The following DNMT1 variants were observed in gnomAD, a reference collection of about 807,000 sequenced individuals.
DNMT1 encodes DNA methyltransferase 1, also known as DNA (cytosine-5)-methyltransferase 1.
In DNMT1, 24 loss-of-function variants were observed where a neutral mutation model predicts 205.3. The ratio of observed to expected loss-of-function variants is 0.12; its 90% CI spans 0.08 to 0.16. The LOEUF is 0.16. DNMT1 is among the 10% of genes least tolerant of loss of function. DNMT1 has a pLI of 1.00. For synonymous variants in DNMT1, 817 were observed against 839.8 expected (o/e 0.97, Z 0.47); for missense variants, 1,293 against 2,177.7 (o/e 0.59, Z 8.09).
chr19:10,146,299 C>T lies in DNMT1; in HGVS notation c.2894+52G>A. Reference sequence around the variant, plus strand: ...AAGGAGGGGGACACCACAAAGCCAGCCTGGCTCAGCCTGGAGCGCCCTGGC... The same window carrying T: ...AAGGAGGGGGACACCACAAAGCCAGTCTGGCTCAGCCTGGAGCGCCCTGGC... On this transcript the variant is annotated intron_variant, in intron 28 of 40. Transcript: ENST00000359526. The surrounding 1 kb of genome is among the most constrained non-coding windows in gnomAD (Gnocchi z 4.4). 1 of 1,603,676 alleles carries T rather than the reference C, an allele frequency of 6.2e-7. No homozygotes were observed. Among genetic ancestry groups the T allele is most frequent in the Admixed American group, 1.7e-5 (1 of 58,542 alleles).
At chr19:10,150,968 G>A (rs1383256829) in intron 24 of DNMT1, among the ~76,000 whole-genome samples, 1 of 152,166 alleles carries the variant, frequency 6.6e-6, no homozygotes, top group Non-Finnish European at 1.5e-5. Context: ...GGTGGTGCAC[G>A]CCTGTAATCT....
Position 10,137,258 on chromosome 19 carries a change from G to A in DNMT1, c.4316C>T (p.Ala1439Val). Residue 1439 changes from alanine (A) to valine (V), a missense_variant, in exon 37 of 41, where the codon GCC (alanine) becomes GTC (valine). Physicochemically the swap from Ala to Val is moderately conservative, Grantham distance 64. Around this residue, in one of 13 missense-constraint regions of DNMT1, gnomAD observed 148 missense variants for 256.1 expected, o/e 0.58. Transcript: ENST00000359526. The surrounding 1 kb of genome is among the most constrained non-coding windows in gnomAD (Gnocchi z 6.4). ...GGCCAAGGGGATGTGCCGCATGCGG[G>A]CAGCCACCAATGCACTCATGTCCTG... ...ICKDMSALVAARMRHIPLAPG... is the reference protein window; with the variant it reads ...ICKDMSALVAVRMRHIPLAPG... The A allele has an allele frequency of 6.2e-7, 1 of 1,608,994 alleles. No homozygotes were observed. Among genetic ancestry groups the A allele is most frequent in the South Asian group, 1.1e-5 (1 of 90,272 alleles).
Position 10,146,211 on chromosome 19 carries a change from T to G in DNMT1, c.2894+140A>C. The G allele has an allele frequency of 1.0e-6, 1 of 974,140 alleles. No individual in the cohort carries two copies. The highest frequency in any genetic ancestry group is 2.6e-5 in the East Asian group (1 of 38,534). 60.3% of individuals were successfully genotyped at this position (974,140 alleles called of 1,614,324 possible). ...GTCTACACGATTTATGTTGTCTGTTTGCCACCTATGCCAACGTGACGGCTA... is the reference window on the plus strand; with the variant it reads ...GTCTACACGATTTATGTTGTCTGTTGGCCACCTATGCCAACGTGACGGCTA... On this transcript the variant is annotated intron_variant, in intron 28 of 40. Transcript: ENST00000359526. The surrounding 1 kb of genome is among the most constrained non-coding windows in gnomAD (Gnocchi z 4.4).
In DNMT1 at chr19:10,140,093, C is replaced by T. The variant is rs201007703; in HGVS notation, c.3759G>A (p.Ser1253=). Reference sequence around the variant, plus strand: ...AGTTTTTGAACTTGGAGTAGGTGCGCGAATTGAAGCGGTTCATGCCGCTGA... The same window carrying T: ...AGTTTTTGAACTTGGAGTAGGTGCGTGAATTGAAGCGGTTCATGCCGCTGA... The part of the protein sequence containing the change: ...QGFSGMNRFN[S]RTYSKFKNSL... The change falls in exon 33 of 41, where the codon TCG becomes TCA. Residue 1253 remains serine, a synonymous_variant. Coordinates refer to ENST00000359526, the MANE Select transcript of DNMT1 (RefSeq NM_001130823.3). The surrounding 1 kb of genome is among the most constrained non-coding windows in gnomAD (Gnocchi z 8.4). 3.7e-6 allele frequency: 6 copies of T among 1,613,638 alleles called. No homozygotes were observed. The highest frequency in any genetic ancestry group is 2.7e-5 in the African/African-American group (2 of 75,062).
At chr19:10,193,605 C>T (rs1270885747) in intron 1 of DNMT1, among the ~76,000 whole-genome samples, 1 of 149,640 alleles carries the variant, frequency 6.7e-6, no homozygotes, top group Non-Finnish European at 1.5e-5. Context: ...TCAAGAGATT[C>T]GTCCGCCACT....
chr19:10,168,016 G>A (rs539165808), intron 10 of DNMT1, among the ~76,000 whole-genome samples: 4 of 152,164 alleles, frequency 2.6e-5, no homozygotes, highest in African/African-American at 4.8e-5. Context: ...CCAGCTACTC[G>A]GGAGGCTGAG....
chr19:10,194,932 C>G lies in DNMT1; in HGVS notation c.-33G>C. The G allele has an allele frequency of 6.3e-7, 1 of 1,587,112 alleles. No homozygotes were observed. Among genetic ancestry groups the G allele is most frequent in the Non-Finnish European group, 8.6e-7 (1 of 1,167,140 alleles). ...GCTTCAGCAGACGCGGCGGCGGCAGCGCAGGCGCCCCGGCTTTTCGCGCGG... is the reference window on the plus strand; with the variant it reads ...GCTTCAGCAGACGCGGCGGCGGCAGGGCAGGCGCCCCGGCTTTTCGCGCGG... On this transcript the variant is annotated 5_prime_UTR_variant, in exon 1 of 41. Coordinates refer to ENST00000359526, the MANE Select transcript of DNMT1 (RefSeq NM_001130823.3).
rs1354920799 is a variant in DNMT1 at position 10,137,329 on chromosome 19, GAGCATCCAT to G, written c.4294-58_4294-50del. 1 of 1,558,548 alleles carries G rather than the reference GAGCATCCAT, an allele frequency of 6.4e-7. No homozygotes were observed. Among genetic ancestry groups the G allele is most frequent in the Non-Finnish European group, 8.7e-7 (1 of 1,153,052 alleles). The stretch of plus-strand genomic sequence containing the variant: ...CTGTCACCTCATGTGAGCAGCATCC[GAGCATCCAT>G]GGTGGGCTGGGAGCTGGGAACACCA... On this transcript the variant is annotated intron_variant, in intron 36 of 40. Coordinates refer to ENST00000359526, the MANE Select transcript of DNMT1 (RefSeq NM_001130823.3). This position sits in a 1 kb window ranked among gnomAD's most constrained non-coding sequence, Gnocchi z 6.4.
chr19:10,144,202 G>T, intron 28 of DNMT1: 1 of 578,228 alleles, frequency 1.7e-6, no homozygotes, highest in Non-Finnish European at 3.2e-6. Flanking sequence ...AAGGTCAGAA[G>T]TTCGAGACCA....
At chr19:10,164,508 G>A (rs146278326) in intron 11 of DNMT1, among the ~76,000 whole-genome samples, 10,388 of 152,234 alleles carry the variant, frequency 0.068, 458 homozygotes, top group Non-Finnish European at 0.097. Flanking sequence ...AGCTACTTGG[G>A]AGGCTGAGGT....
chr19:10,162,775 G>T, intron 12 of DNMT1, 27 bp from the exon 13 acceptor site: 1 of 1,612,120 alleles, frequency 6.2e-7, no homozygotes. Context: ...TACACAGCAA[G>T]TAGCAGCTTA....
chr19:10,150,008 G>A (rs535554898), intron 24 of DNMT1, 40 bp from the exon 25 acceptor site: 31 of 1,581,588 alleles, frequency 2.0e-5, no homozygotes, highest in Non-Finnish European at 2.5e-5. Context: ...ATCATTCTGA[G>A]GGTCTTTGCT....
Position 10,179,381 on chromosome 19 carries a change from C to T in DNMT1, c.493+806G>A, listed in dbSNP as rs537804061. Among the ~76,000 whole-genome samples the T allele has an allele frequency of 3.3e-5, 5 of 151,874 alleles. 1 individual carries two copies. Among genetic ancestry groups the T allele is most frequent in the South Asian group, 4.2e-4 (2 of 4,808 alleles). On this transcript the variant is annotated intron_variant, in intron 5 of 40. Coordinates refer to ENST00000359526, the MANE Select transcript of DNMT1 (RefSeq NM_001130823.3). ...TGCCCAGGCTGGAATTACAGACACC[C>T]GCCACCACGTCTGGCAAATTTTTTG...
At chr19:10,134,447 A>T in intron 39 of DNMT1, 140 bp from the exon 40 acceptor site, 2 of 728,100 alleles carry the variant, frequency 2.7e-6, no homozygotes, top group Non-Finnish European at 4.5e-6. Context: ...TCCTGCTCAC[A>T]TGGGCCCAAA....
At chr19:10,164,650 G>A (rs967135400) in intron 11 of DNMT1, among the ~76,000 whole-genome samples, 24 of 151,772 alleles carry the variant, frequency 1.6e-4, no homozygotes, top group Admixed American at 1.2e-3. Flanking sequence ...CAAACACGCC[G>A]GGCGTGGTGC....
chr19:10,145,104 T>G (rs1288458300), intron 28 of DNMT1, among the ~76,000 whole-genome samples: 1 of 152,248 alleles, frequency 6.6e-6, no homozygotes, highest in Non-Finnish European at 1.5e-5. Flanking sequence ...GAGGCCAATG[T>G]AAGGCGCCAC....
intron 14 of DNMT1, 110 bp from the exon 15 acceptor site, chr19:10,160,173 G>A (rs1371301755): frequency 2.0e-5 from 32 of 1,582,342 alleles, no homozygotes; most frequent in South Asian, 4.4e-5. Flanking sequence ...GGGAGGCACC[G>A]GCTGTGGCAG....
At chr19:10,190,339 C>T (rs952764236) in intron 1 of DNMT1, among the ~76,000 whole-genome samples, 11 of 152,124 alleles carry the variant, frequency 7.2e-5, no homozygotes, top group Admixed American at 6.6e-5. Flanking sequence ...ACGGCAGACA[C>T]GCTCTGGTAA....
chr19:10,159,730 G>T lies in DNMT1; in HGVS notation c.1208C>A (p.Ser403Tyr), dbSNP rs2038527305. ...EPQMLTNEKL[S>Y]IFDANESGFE... is the part of the protein sequence containing the mutation. ...GCCAGACTCGTTGGCATCAAAGATG[G>T]ACAGCTTCTCATTTGTCAGCATCTG... The change falls in exon 17 of 41, where the codon TCC becomes TAC. Residue 403 changes from serine (S) to tyrosine (Y), a missense_variant. Around this residue, in one of 13 missense-constraint regions of DNMT1, gnomAD observed 120 missense variants for 315.9 expected, o/e 0.38. Transcript: ENST00000359526. This position sits in a 1 kb window ranked among gnomAD's most constrained non-coding sequence, Gnocchi z 5.0. The T allele has an allele frequency of 6.2e-7, 1 of 1,614,244 alleles. No individual in the cohort carries two copies. Among genetic ancestry groups the T allele is most frequent in the African/African-American group, 1.3e-5 (1 of 75,058 alleles).
Sources: gnomAD v4.1 joint callset for allele counts (sites outside exome capture counted in the v4.1 genomes callset) on GRCh38, gnomAD v4.1.1 for gene constraint, gnomAD v4.1.1 regional missense constraint, Gnocchi (gnomAD v3.1) non-coding constraint, MANE v1.5 for transcripts, NCBI Gene and HGNC (gene_info 2026-07-23, HGNC 2026-07-21) for gene names.